CALB1: variants seen among roughly 807,000 people sequenced by gnomAD.
CALB1 encodes the protein calbindin 1.
Under a neutral mutation model 46.7 loss-of-function variants are expected in CALB1, and 16 were observed. That is an observed-to-expected ratio of 0.34 (90% CI 0.23 to 0.52). The LOEUF is 0.52. Ranked by LOEUF, CALB1 falls within the 20% of genes least tolerant of loss-of-function variation. The pLI, the probability that CALB1 is intolerant of heterozygous loss-of-function variation, is 0.95. For missense variants in CALB1, 224 were observed against 300.3 expected, an observed-to-expected ratio of 0.75 and a Z score of 1.88; for synonymous variants, 90 against 112.8, an observed-to-expected ratio of 0.80 and a Z score of 1.28.
At chr8:90,066,012 A>ATC in intron 5 of CALB1, 37 bp from the exon 6 acceptor site, 1 of 1,288,784 alleles carries the variant, frequency 7.8e-7, no homozygotes, top group Non-Finnish European at 1.1e-6. Context: ...AATTTCATTA[A>ATC]TAATATATCG....
chr8:90,067,322 A>G (rs1814417814), intron 5 of CALB1, among the ~76,000 whole-genome samples: 1 of 152,136 alleles, frequency 6.6e-6, no homozygotes, highest in Admixed American at 6.5e-5. Flanking sequence ...AGGGAAGAGG[A>G]CTTCTATTTA....
rs1814244788 is a variant in CALB1 at position 90,058,847 on chromosome 8, G to A, written c.*1326C>T. 1 of 152,154 alleles carries A rather than the reference G, an allele frequency of 6.6e-6. No homozygotes were observed. The highest frequency in any genetic ancestry group is 1.5e-5 in the Non-Finnish European group (1 of 68,020). 9.4% of individuals were successfully genotyped at this position (152,154 alleles called of 1,614,324 possible). A position where few individuals can be genotyped will look rare whatever the true frequency, so the allele number is the denominator to read the frequency against. On this transcript the variant is annotated 3_prime_UTR_variant, in exon 11 of 11. Coordinates refer to ENST00000265431, the MANE Select transcript of CALB1 (RefSeq NM_004929.4). ...TTTATAGAATGGGGACATTCAAGCT[G>A]ACCCAGAACGATCATTAACTCCTAG...
intron 5 of CALB1, among the ~76,000 whole-genome samples, chr8:90,068,273 A>G (rs1430606055): frequency 2.0e-5 from 3 of 152,240 alleles, no homozygotes; most frequent in African/African-American, 7.2e-5. Context: ...TATAGTAATT[A>G]ATGAGTTAAG....
intron 2 of CALB1, among the ~76,000 whole-genome samples, chr8:90,081,696 T>A (rs190041460): frequency 6.6e-6 from 1 of 152,100 alleles, no homozygotes; most frequent in Admixed American, 6.5e-5. Flanking sequence ...AGAATATATA[T>A]ATATTTAAAG....
chr8:90,060,751 G>A (rs1264028314), intron 9 of CALB1, 51 bp from the exon 10 acceptor site: 1 of 1,286,158 alleles, frequency 7.8e-7, no homozygotes, highest in Admixed American at 1.7e-5. Flanking sequence ...CTACAGTAGT[G>A]GGAAATGAAG....
At chr8:90,072,235 C>T (rs1814538261) in intron 3 of CALB1, among the ~76,000 whole-genome samples, 1 of 152,090 alleles carries the variant, frequency 6.6e-6, no homozygotes, top group Non-Finnish European at 1.5e-5. Flanking sequence ...AGGGAAATTG[C>T]CATCTTTGTT....
intron 3 of CALB1, 24 bp downstream of exon 3, chr8:90,078,349 C>T: frequency 7.1e-7 from 1 of 1,416,644 alleles, no homozygotes; most frequent in South Asian, 1.2e-5. Flanking sequence ...AAAATTAAAT[C>T]AGAAAAATGC....
At chr8:90,060,381 C>T in intron 10 of CALB1, 95 bp from the exon 11 acceptor site, 1 of 795,412 alleles carries the variant, frequency 1.3e-6, no homozygotes, top group Non-Finnish European at 2.2e-6. Context: ...CTACTTGTTA[C>T]ATCAATCCAT....
chr8:90,070,856 G>GTA (rs1313471076), intron 3 of CALB1, among the ~76,000 whole-genome samples: 7 of 116,002 alleles, frequency 6.0e-5, no homozygotes, highest in South Asian at 2.8e-4. Flanking sequence ...GTGTGTGTGT[G>GTA]TGTGTGTGTG....
intron 3 of CALB1, among the ~76,000 whole-genome samples, chr8:90,072,558 A>C (rs936575938): frequency 2.6e-5 from 4 of 152,232 alleles, no homozygotes; most frequent in Admixed American, 2.6e-4. Flanking sequence ...GAATGTAAAG[A>C]AATCTTTCTT....
chr8:90,079,416 A>G (rs747970307), intron 2 of CALB1, among the ~76,000 whole-genome samples: 19 of 152,054 alleles, frequency 1.2e-4, no homozygotes, highest in Non-Finnish European at 2.5e-4. Flanking sequence ...TCTTTATAAA[A>G]CTTACTATGG....
At position 90,065,959 on chromosome 8, in the gene CALB1, A is replaced by G; in HGVS notation, c.389T>C (p.Leu130Pro). ...TEELKNFLKDLLEKANKTVDD... is the reference protein window; with the variant it reads ...TEELKNFLKDPLEKANKTVDD... Reference sequence around the variant, plus strand: ...AACAGTCTTGTTTGCTTTTTCTAGCAGGTCCTTTAGAAAGTTCTGTTAAAA... The same window carrying G: ...AACAGTCTTGTTTGCTTTTTCTAGCGGGTCCTTTAGAAAGTTCTGTTAAAA... Residue 130 changes from leucine to proline, a missense_variant, in exon 6 of 11, where the codon CTG becomes CCG. Coordinates refer to ENST00000265431, the MANE Select transcript of CALB1 (RefSeq NM_004929.4). 6.2e-7 allele frequency: 1 copy of G among 1,608,822 alleles called. No homozygotes were observed. Among genetic ancestry groups the G allele is most frequent in the South Asian group, 1.1e-5 (1 of 90,938 alleles).
At chr8:90,071,245 A>C (rs1170748968) in intron 3 of CALB1, among the ~76,000 whole-genome samples, 1 of 152,128 alleles carries the variant, frequency 6.6e-6, no homozygotes, top group African/African-American at 2.4e-5. Flanking sequence ...AGCTGTTTCT[A>C]CTCATTGAAA....
In CALB1 at chr8:90,065,940, C is replaced by A; in HGVS notation, c.408G>T (p.Lys136Asn). 2 of 1,611,388 alleles carry A rather than the reference C, an allele frequency of 1.2e-6. No individual in the cohort carries two copies. Among genetic ancestry groups the A allele is most frequent in the Non-Finnish European group, 1.7e-6 (2 of 1,177,958 alleles). ...FLKDLLEKANKTVDDTKLAEY... is the reference protein window; with the variant it reads ...FLKDLLEKANNTVDDTKLAEY... ...CGGCTAATTTTGTGTCATCAACAGT[C>A]TTGTTTGCTTTTTCTAGCAGGTCCT... Residue 136 changes from lysine to asparagine, a missense_variant, in exon 6 of 11, where the codon AAG becomes AAT. Lys to Asn is a moderately conservative substitution (Grantham distance 94, BLOSUM62 0). Coordinates refer to ENST00000265431, the MANE Select transcript of CALB1 (RefSeq NM_004929.4).
intron 3 of CALB1, among the ~76,000 whole-genome samples, chr8:90,072,968 A>G (rs1314633055): frequency 2.1e-5 from 3 of 145,784 alleles, no homozygotes; most frequent in Admixed American, 6.9e-5. Flanking sequence ...CATTTCTGAG[A>G]ACTGATTGCT....
chr8:90,076,257 A>G (rs1814620952), intron 3 of CALB1, among the ~76,000 whole-genome samples: 1 of 152,094 alleles, frequency 6.6e-6, no homozygotes, highest in Non-Finnish European at 1.5e-5. Flanking sequence ...TAAGTAATCA[A>G]CCAACTGAAG....
chr8:90,082,710 TGTGTGTCTGGGTGTGTGAATATGC>T lies in CALB1; in HGVS notation c.-37_-14del. Reference sequence around the variant, plus strand: ...GGGATTCTGCCATTGTACAGCGGGGTGTGTGTCTGGGTGTGTGAATATGCGTGTGTCTGTGTCCGCGCGAGGGGG... The same window carrying T: ...GGGATTCTGCCATTGTACAGCGGGGTGTGTGTCTGTGTCCGCGCGAGGGGG... On this transcript the variant is annotated 5_prime_UTR_variant, in exon 1 of 11. Coordinates refer to ENST00000265431, the MANE Select transcript of CALB1 (RefSeq NM_004929.4). 1 of 1,612,058 alleles carries T rather than the reference TGTGTGTCTGGGTGTGTGAATATGC, an allele frequency of 6.2e-7. No individual in the cohort carries two copies. Among genetic ancestry groups the T allele is most frequent in the Non-Finnish European group, 8.5e-7 (1 of 1,178,564 alleles).
intron 3 of CALB1, among the ~76,000 whole-genome samples, chr8:90,070,861 T>TGTGA (rs34851332): frequency 0.49 from 72,703 of 149,796 alleles, 19,393 homozygotes; most frequent in Non-Finnish European, 0.63. Flanking sequence ...TGTGTGTGTG[T>TGTGA]GTGTGTGTGT....
intron 10 of CALB1, 99 bp downstream of exon 10, chr8:90,060,530 T>C: frequency 1.0e-6 from 1 of 956,664 alleles, no homozygotes; most frequent in Non-Finnish European, 1.7e-6. Context: ...TGCTCCTCTA[T>C]AAATTGTTAA....
Sources: allele counts gnomAD v4.1 joint callset (sites outside exome capture counted in the v4.1 genomes callset), GRCh38; gene constraint gnomAD v4.1.1; transcripts MANE v1.5; gene names NCBI Gene and HGNC (gene_info 2026-07-23, HGNC 2026-07-21).